Variants in SPATA13 observed in about 807,000 individuals in gnomAD.
SPATA13 encodes spermatogenesis associated 13, also known as spermatogenesis-associated protein 13.
A neutral mutation model predicts 104.0 loss-of-function variants in SPATA13; 50 were observed. That is an observed-to-expected ratio of 0.48 (90% CI 0.38 to 0.61). The LOEUF is 0.61. Among genes scored for constraint, SPATA13 ranks in the 20% least tolerant of loss-of-function variants. The pLI, the probability that SPATA13 is intolerant of heterozygous loss-of-function variation, is 0.00. For missense variants in SPATA13, 1,524 were observed against 1,690.6 expected (o/e 0.90, Z 1.73); for synonymous variants, 606 against 667.5 (o/e 0.91, Z 1.42).
chr13:24,017,866 T>C (rs950415027), intron 3 of SPATA13, among the ~76,000 whole-genome samples: 3 of 152,218 alleles, frequency 2.0e-5, no homozygotes, highest in Non-Finnish European at 4.4e-5. Flanking sequence ...GTTTCACACT[T>C]TTCTTGACTT....
rs74041932 is a variant in SPATA13, at chr13:24,199,391, A to G, written c.-111-23428A>G. Among the ~76,000 whole-genome samples the G allele has an allele frequency of 9.9e-3, 1,509 of 152,320 alleles. 32 individuals are homozygous for G. The highest frequency in any genetic ancestry group is 0.033 in the African/African-American group (1,376 of 41,570). On this transcript the variant is annotated intron_variant, in intron 1 of 12. Transcript: ENST00000382108. ...ACAGAATGAAAAACAATCTCATTCT[A>G]CATACTGATTCTACCAGAAAGTGTG...
chr13:24,277,400 C>T (rs1229483239), intron 4 of SPATA13, among the ~76,000 whole-genome samples: 4 of 143,336 alleles, frequency 2.8e-5, no homozygotes, highest in Non-Finnish European at 6.0e-5. Flanking sequence ...CCCGAGATCG[C>T]GCCATTGCAC....
chr13:24,107,705 T>C (rs1439496532), intron 3 of SPATA13, among the ~76,000 whole-genome samples: 2 of 152,208 alleles, frequency 1.3e-5, no homozygotes, highest in African/African-American at 2.4e-5. Context: ...ATTGAAACTA[T>C]AGACTTGGTA....
intron 3 of SPATA13, among the ~76,000 whole-genome samples, chr13:24,142,270 T>G (rs1452368946): frequency 6.6e-6 from 1 of 151,994 alleles, no homozygotes; most frequent in South Asian, 2.1e-4. Flanking sequence ...TATCTACTAG[T>G]CTACAGGCCT....
chr13:24,189,680 AT>A lies in SPATA13; in HGVS notation c.-112+28751del, dbSNP rs1270046630. ...TATTATATATTTATATATTATATAT[AT>A]TTATATATAATATATAATATATTAT... On this transcript the variant is annotated intron_variant, in intron 1 of 12. Coordinates refer to ENST00000382108, the MANE Select transcript of SPATA13 (RefSeq NM_001166271.3). 1.2e-3 allele frequency among the ~76,000 whole-genome samples: 8 copies of A among 6,704 alleles called. 2 individuals carry two copies. Among genetic ancestry groups the A allele is most frequent in the Admixed American group, 0.017 (1 of 60 alleles). The allele number at this position is 6,704 out of a possible 152,430, so 4.4% of individuals were successfully genotyped here. A position where few individuals can be genotyped will look rare whatever the true frequency, so the allele number is the denominator to read the frequency against.
intron 2 of SPATA13, among the ~76,000 whole-genome samples, chr13:24,228,108 C>CTTTTTTTTTTTT (rs71186818): frequency 9.8e-6 from 1 of 102,284 alleles, no homozygotes; most frequent in African/African-American, 4.7e-5. Flanking sequence ...CTCTTGTACT[C>CTTTTTTTTTTTT]TTTTTTTTTT....
chr13:24,264,232 T>G (rs1187253031), intron 4 of SPATA13, among the ~76,000 whole-genome samples: 1 of 152,184 alleles, frequency 6.6e-6, no homozygotes, highest in Non-Finnish European at 1.5e-5. Context: ...TAAAAGTTAT[T>G]GAAAATATCG....
chr13:24,289,603 G>T (rs1328437797), intron 8 of SPATA13, among the ~76,000 whole-genome samples: 1 of 152,116 alleles, frequency 6.6e-6, no homozygotes, highest in African/African-American at 2.4e-5. Flanking sequence ...TCTAGATGAG[G>T]AAACTAAGGC....
chr13:24,224,312 C>T lies in SPATA13; in HGVS notation c.1383C>T (p.Pro461=), dbSNP rs866072204. 16 of 1,551,644 alleles carry T rather than the reference C, an allele frequency of 1.0e-5. No individual in the cohort carries two copies. In the Middle Eastern group the frequency reaches 8.3e-4, roughly 81 times the overall value. The change falls in exon 2 of 13, where the codon CCC becomes CCT. Residue 461 remains proline (P), a synonymous_variant. Transcript: ENST00000382108. ...TGACATTTGACCCTGAGCAGCCTCC[C>T]ACCCCTCTAAGGCCCACCACACCCA... ...SQLTFDPEQP[P]TPLRPTTPKP...
chr13:24,113,179 C>T (rs994365659), intron 3 of SPATA13, among the ~76,000 whole-genome samples: 1 of 152,248 alleles, frequency 6.6e-6, no homozygotes, highest in African/African-American at 2.4e-5. Flanking sequence ...TATGTGCAAA[C>T]CACTATATCT....
chr13:24,162,809 A>G (rs769907179), intron 1 of SPATA13, among the ~76,000 whole-genome samples: 4 of 152,216 alleles, frequency 2.6e-5, no homozygotes, highest in Non-Finnish European at 5.9e-5. Context: ...ACTGCCTAGC[A>G]GTGGAGGCCC....
Position 23,995,604 on chromosome 13 carries a change from T to C in SPATA13, c.-147+11671T>C, listed in dbSNP as rs115097808. Among the ~76,000 whole-genome samples, 1,412 of 152,328 alleles carry C rather than the reference T, an allele frequency of 9.3e-3. 19 individuals are homozygous for C. The highest frequency in any genetic ancestry group is 0.032 in the African/African-American group (1,331 of 41,562). On this transcript the variant is annotated intron_variant, in intron 2 of 14. Coordinates refer to the SPATA13 transcript ENST00000424834. ...AAAAATGTGAGGTCATGGAATTTCA[T>C]CTGTATCTGATATGCATTTTCATAT...
At chr13:24,146,502 C>A (rs1479099501) in intron 3 of SPATA13, among the ~76,000 whole-genome samples, 1 of 152,192 alleles carries the variant, frequency 6.6e-6, no homozygotes, top group Non-Finnish European at 1.5e-5. Flanking sequence ...CGATACATAA[C>A]TAAGTACTCT....
At chr13:24,129,603 C>T (rs954565930) in intron 3 of SPATA13, among the ~76,000 whole-genome samples, 8 of 152,168 alleles carry the variant, frequency 5.3e-5, no homozygotes, top group African/African-American at 1.2e-4. Context: ...TCAGAGGAGA[C>T]GGGCAGGGCC....
intron 2 of SPATA13, among the ~76,000 whole-genome samples, chr13:24,247,349 C>T (rs180847339): frequency 9.9e-5 from 15 of 152,170 alleles, no homozygotes; most frequent in African/African-American, 3.1e-4. Context: ...TCTTTGTTGC[C>T]ACTGATTAAC....
chr13:24,282,969 T>A (rs898167046), intron 4 of SPATA13, among the ~76,000 whole-genome samples: 1 of 152,174 alleles, frequency 6.6e-6, no homozygotes. Flanking sequence ...GCTTCCTTTC[T>A]CCAAACCCTG....
chr13:24,101,986 G>A (rs1880270598), intron 3 of SPATA13, among the ~76,000 whole-genome samples: 1 of 152,040 alleles, frequency 6.6e-6, no homozygotes, highest in Non-Finnish European at 1.5e-5. Context: ...TAGTTCTTTT[G>A]GATATATACC....
At chr13:24,129,408 C>A (rs1043999398) in intron 3 of SPATA13, among the ~76,000 whole-genome samples, 1 of 152,192 alleles carries the variant, frequency 6.6e-6, no homozygotes, top group African/African-American at 2.4e-5. Context: ...CAAGGCTTGT[C>A]CAGAGAATCG....
intron 2 of SPATA13, among the ~76,000 whole-genome samples, chr13:24,004,265 A>G (rs1041305763): frequency 2.0e-5 from 3 of 152,248 alleles, no homozygotes; most frequent in Admixed American, 2.0e-4. Context: ...TGCAGTCATC[A>G]GTCAATAAAG....
Sources: allele counts gnomAD v4.1 joint callset (sites outside exome capture counted in the v4.1 genomes callset), GRCh38; gene constraint gnomAD v4.1.1; transcripts MANE v1.5; gene names NCBI Gene and HGNC (gene_info 2026-07-23, HGNC 2026-07-21).